Variants in HELZ observed in about 807,000 individuals in gnomAD.
HELZ encodes ATP-dependent RNA helicase with zinc finger domain.
In HELZ, 23 loss-of-function variants were observed where a neutral mutation model predicts 218.2. That is an observed-to-expected ratio of 0.11 (90% CI 0.08 to 0.15). The LOEUF is 0.15. HELZ is among the 10% of genes least tolerant of loss of function. The pLI is 1.00. For missense variants in HELZ, 1,813 were observed against 2,353.7 expected (o/e 0.77, Z 4.75); for synonymous variants, 814 against 829.4 (o/e 0.98, Z 0.32).
chr17:67,116,680 A>C (rs1048243541), intron 27 of HELZ, among the ~76,000 whole-genome samples: 2 of 152,192 alleles, frequency 1.3e-5, no homozygotes, highest in African/African-American at 4.8e-5. Flanking sequence ...TAATAATAGA[A>C]CTTCAAAATT....
At position 67,149,908 on chromosome 17, in the gene HELZ, T is replaced by C. The variant is rs370281098; in HGVS notation, c.2434A>G (p.Thr812Ala). 8 of 1,611,136 alleles carry C rather than the reference T, an allele frequency of 5.0e-6. No individual in the cohort carries two copies. Among genetic ancestry groups the C allele is most frequent in the Middle Eastern group, 1.6e-4 (1 of 6,074 alleles). ...GCCAAGACAATCCGAGTGTTTTGAG[T>C]TGCTAATGCTAGAGGCATAATGGTT... ...CETIMPLALA[T>A]QNTRIVLAGD... is the part of the protein sequence containing the mutation. The change falls in exon 19 of 33, where the codon ACT becomes GCT. Residue 812 changes from threonine to alanine, a missense_variant. By Grantham distance (58) the Thr-to-Ala change is moderately conservative. This residue lies in a region of HELZ where 714 missense variants were observed against 1,029.2 expected (regional missense o/e 0.69). Transcript: ENST00000358691.
rs1338152630 is a variant in HELZ, at chr17:67,120,602, G to A, written c.3641C>T (p.Thr1214Ile). The A allele has an allele frequency of 6.2e-7, 1 of 1,610,130 alleles. No homozygotes were observed. Among genetic ancestry groups the A allele is most frequent in the Non-Finnish European group, 8.5e-7 (1 of 1,177,678 alleles). ...VMSVPLPVPWTGYQGRFAVDP... is the reference protein window; with the variant it reads ...VMSVPLPVPWIGYQGRFAVDP... ...AACTGCAAACCTACCCTGGTATCCT[G>A]TCCATGGTACCTAGGTTATTAAAAA... Residue 1214 changes from threonine (T) to isoleucine (I), a missense_variant, in exon 27 of 33, where the codon ACA becomes ATA. Physicochemically the swap from Thr to Ile is moderately conservative, Grantham distance 89 (BLOSUM62 -1). Coordinates refer to ENST00000358691, the MANE Select transcript of HELZ (RefSeq NM_014877.4).
chr17:67,131,661 C>T (rs972678227), intron 23 of HELZ, among the ~76,000 whole-genome samples: 1 of 151,974 alleles, frequency 6.6e-6, no homozygotes, highest in South Asian at 2.1e-4. Context: ...TGACTTCGTG[C>T]AGATTACTTA....
At chr17:67,167,862 G>A in intron 13 of HELZ, 66 bp from the exon 14 acceptor site, 1 of 1,074,678 alleles carries the variant, frequency 9.3e-7, no homozygotes, top group East Asian at 2.5e-5. Flanking sequence ...CTAGAAGAGT[G>A]AAACAAAGTA....
chr17:67,158,222 A>T (rs1024810346), intron 17 of HELZ, among the ~76,000 whole-genome samples: 2 of 152,186 alleles, frequency 1.3e-5, no homozygotes, highest in African/African-American at 4.8e-5. Flanking sequence ...TATCATGAAG[A>T]GAGCAAACTC....
chr17:67,184,045 C>G (rs1284759505), intron 12 of HELZ, among the ~76,000 whole-genome samples: 1 of 151,468 alleles, frequency 6.6e-6, no homozygotes, highest in Non-Finnish European at 1.5e-5. Context: ...TGTTTATTTT[C>G]CTCCAATTCA....
intron 6 of HELZ, among the ~76,000 whole-genome samples, chr17:67,201,863 C>A (rs1159031981): frequency 1.3e-5 from 2 of 152,186 alleles, no homozygotes; most frequent in Non-Finnish European, 2.9e-5. Flanking sequence ...TACATTTTAG[C>A]TTTTAAGTTC....
intron 3 of HELZ, among the ~76,000 whole-genome samples, chr17:67,235,094 T>C (rs1269388776): frequency 6.6e-6 from 1 of 152,136 alleles, no homozygotes; most frequent in African/African-American, 2.4e-5. Flanking sequence ...TTCCTTCATG[T>C]TTGGATCCCT....
At chr17:67,136,805 A>G (rs1213493936) in intron 22 of HELZ, among the ~76,000 whole-genome samples, 2 of 152,196 alleles carry the variant, frequency 1.3e-5, no homozygotes, top group Non-Finnish European at 2.9e-5. Flanking sequence ...GAATGGGGGC[A>G]TTTAATGCAT....
At chr17:67,117,326 T>A (rs2143802794) in intron 27 of HELZ, among the ~76,000 whole-genome samples, 1 of 152,194 alleles carries the variant, frequency 6.6e-6, no homozygotes, top group South Asian at 2.1e-4. Flanking sequence ...ACAGAAAAAT[T>A]TCTAGAAAAT....
intron 23 of HELZ, among the ~76,000 whole-genome samples, chr17:67,134,444 G>A (rs1303525014): frequency 6.6e-6 from 1 of 151,628 alleles, no homozygotes; most frequent in Non-Finnish European, 1.5e-5. Flanking sequence ...ACAAATGCAT[G>A]GCAATATATT....
At chr17:67,118,833 CAATAGATATA>C (rs953471924) in intron 27 of HELZ, among the ~76,000 whole-genome samples, 1 of 150,818 alleles carries the variant, frequency 6.6e-6, no homozygotes, top group Middle Eastern at 3.3e-3. Flanking sequence ...AAAAAGTGGG[CAATAGATATA>C]AATAGAGGTT....
chr17:67,128,962 C>T (rs1163206022), intron 23 of HELZ, 107 bp from the exon 24 acceptor site: 3 of 827,376 alleles, frequency 3.6e-6, no homozygotes, highest in Non-Finnish European at 5.9e-6. Context: ...ACCTCAAATC[C>T]TTAAACCCAA....
At chr17:67,079,466 A>G (rs2036119995) in intron 32 of HELZ, among the ~76,000 whole-genome samples, 1 of 152,098 alleles carries the variant, frequency 6.6e-6, no homozygotes, top group Admixed American at 6.5e-5. Context: ...TCTTCTCTAG[A>G]CCGTGATGTT....
chr17:67,211,195 T>G (rs1034099774), intron 5 of HELZ, among the ~76,000 whole-genome samples: 28 of 152,136 alleles, frequency 1.8e-4, no homozygotes, highest in African/African-American at 6.8e-4. Flanking sequence ...ACTTTAAAAT[T>G]TTATAACCTT....
intron 13 of HELZ, among the ~76,000 whole-genome samples, chr17:67,172,232 C>T (rs1236199578): frequency 1.3e-5 from 2 of 152,128 alleles, no homozygotes; most frequent in African/African-American, 4.8e-5. Flanking sequence ...CCTTGACTAC[C>T]CTCCTTTTCT....
intron 32 of HELZ, among the ~76,000 whole-genome samples, chr17:67,082,630 CT>C (rs1321766209): frequency 2.0e-5 from 3 of 152,058 alleles, no homozygotes; most frequent in Non-Finnish European, 4.4e-5. Flanking sequence ...ATATTTATCA[CT>C]TTTCCCTTTA....
Position 67,075,816 on chromosome 17 carries a change from T to G in HELZ, c.*2436A>C, listed in dbSNP as rs1035193692. The G allele has an allele frequency of 6.6e-6, 1 of 152,606 alleles. No homozygotes were observed. The highest frequency in any genetic ancestry group is 1.5e-5 in the Non-Finnish European group (1 of 68,020). The allele number at this position is 152,606 out of a possible 1,614,324, so 9.5% of individuals were successfully genotyped here. A position where few individuals can be genotyped will look rare whatever the true frequency, so the allele number is the denominator to read the frequency against. On this transcript the variant is annotated 3_prime_UTR_variant, in exon 33 of 33. Transcript: ENST00000358691. ...TATGGAAATAAGGAATGAGAAGTAC[T>G]CATATACTCACAGCAGAGCGGTGGG...
At chr17:67,125,862 C>T (rs1490297025) in intron 24 of HELZ, among the ~76,000 whole-genome samples, 3 of 152,038 alleles carry the variant, frequency 2.0e-5, no homozygotes, top group African/African-American at 4.8e-5. Flanking sequence ...GGAGACGCAG[C>T]GGAAGAGGAA....
Sources: gnomAD v4.1 joint callset for allele counts (sites outside exome capture counted in the v4.1 genomes callset) on GRCh38, gnomAD v4.1.1 for gene constraint, gnomAD v4.1.1 regional missense constraint, MANE v1.5 for transcripts, NCBI Gene and HGNC (gene_info 2026-07-23, HGNC 2026-07-21) for gene names.